Variants in ARID1B observed in about 807,000 individuals in gnomAD.
ARID1B encodes the protein AT-rich interactive domain-containing protein 1B.
In ARID1B, 30 loss-of-function variants were observed where a neutral mutation model predicts 212.3. The observed-to-expected ratio is 0.14, with a 90% confidence interval of 0.11 to 0.19. ARID1B has a LOEUF of 0.19. Among genes scored for constraint, ARID1B ranks in the 10% least tolerant of loss-of-function variants. The pLI is 1.00. For missense variants in ARID1B, 2,891 were observed against 3,204.0 expected (o/e 0.90, Z 2.36); for synonymous variants, 1,402 against 1,301.7 (o/e 1.08, Z -1.66).
chr6:157,199,046 T>A, intron 17 of ARID1B, 139 bp downstream of exon 17: 1 of 697,200 alleles, frequency 1.4e-6, no homozygotes, highest in Non-Finnish European at 2.2e-6. Flanking sequence ...AGGATATAGT[T>A]AATGCTAGAA....
intron 4 of ARID1B, among the ~76,000 whole-genome samples, chr6:156,969,878 C>A (rs1219396180): frequency 1.4e-5 from 2 of 139,258 alleles, no homozygotes; most frequent in Non-Finnish European, 1.5e-5. Context: ...TTGTTTATTT[C>A]TTATTATATA....
chr6:157,174,718 TTA>T (rs1214659659), intron 10 of ARID1B, 127 bp from the exon 11 acceptor site: 6,982 of 239,964 alleles, frequency 0.029, 1 homozygote, highest in East Asian at 0.054. Flanking sequence ...GTACATGTCT[TTA>T]TATATATATA....
In ARID1B at chr6:156,858,825, G is replaced by C. The variant is rs75658989; in HGVS notation, c.1986+29404G>C. ...ACATACCCCATGAATATGTACAACT[G>C]TTACGGATTCATAATAATTAAAAGT... On this transcript the variant is annotated intron_variant, in intron 2 of 19. Coordinates refer to ENST00000636930, the MANE Select transcript of ARID1B (RefSeq NM_001374828.1). Among the ~76,000 whole-genome samples, 1,040 of 152,250 alleles carry C rather than the reference G, an allele frequency of 6.8e-3. 5 individuals carry two copies. Among genetic ancestry groups the C allele is most frequent in the Non-Finnish European group, 0.011 (751 of 68,022 alleles).
At chr6:156,921,191 G>A (rs1790756747) in intron 3 of ARID1B, among the ~76,000 whole-genome samples, 1 of 151,996 alleles carries the variant, frequency 6.6e-6, no homozygotes, top group African/African-American at 2.4e-5. Context: ...AAAGTTGGAG[G>A]TGTTCATTTT....
chr6:157,135,184 A>G (rs1368786217), intron 7 of ARID1B, among the ~76,000 whole-genome samples: 2 of 152,082 alleles, frequency 1.3e-5, no homozygotes, highest in Non-Finnish European at 2.9e-5. Context: ...TTCTTATCCA[A>G]ACTGCTGTGT....
chr6:157,134,555 T>C (rs1268673308), intron 7 of ARID1B, among the ~76,000 whole-genome samples: 1 of 152,204 alleles, frequency 6.6e-6, no homozygotes, highest in Non-Finnish European at 1.5e-5. Flanking sequence ...GTTTTCCATG[T>C]TAGTAATTCC....
chr6:156,951,454 T>C (rs1324993537), intron 4 of ARID1B, among the ~76,000 whole-genome samples: 1 of 152,124 alleles, frequency 6.6e-6, no homozygotes, highest in Non-Finnish European at 1.5e-5. Context: ...TCTTTTTCTT[T>C]TTTTTTTGAA....
chr6:156,778,219 C>T lies in ARID1B; in HGVS notation c.539C>T (p.Ala180Val). The T allele has an allele frequency of 1.3e-6, 2 of 1,538,898 alleles. No homozygotes were observed. Among genetic ancestry groups the T allele is most frequent in the Non-Finnish European group, 1.7e-6 (2 of 1,145,534 alleles). Residue 180 changes from alanine to valine, a missense_variant, in exon 1 of 20, where the codon GCC becomes GTC. Transcript: ENST00000636930. ...HHHAHHHHHH[A>V]HHLHHHHALQ... ...CATGCCCACCACCACCACCACCATG[C>T]CCACCACCTCCACCACCACCACGCA...
chr6:157,022,953 C>CTTTT (rs1554284488), intron 4 of ARID1B: 1 of 151,504 alleles, frequency 6.6e-6, no homozygotes, highest in East Asian at 1.9e-4. Flanking sequence ...TAACATTCTT[C>CTTTT]TGTTTTTATG....
intron 1 of ARID1B, among the ~76,000 whole-genome samples, chr6:156,801,035 TAGAA>T (rs960246074): frequency 2.7e-4 from 41 of 152,320 alleles, no homozygotes; most frequent in African/African-American, 9.6e-4. Flanking sequence ...CTCATCACTG[TAGAA>T]AGCTCTCTGG....
At chr6:156,838,444 A>G (rs982416756) in intron 2 of ARID1B, among the ~76,000 whole-genome samples, 5 of 152,140 alleles carry the variant, frequency 3.3e-5, no homozygotes, top group Admixed American at 1.3e-4. Flanking sequence ...TCAGTCTGAG[A>G]TGCACCACAG....
intron 4 of ARID1B, among the ~76,000 whole-genome samples, chr6:156,995,894 G>A (rs1201452347): frequency 6.6e-6 from 1 of 152,172 alleles, no homozygotes; most frequent in Non-Finnish European, 1.5e-5. Context: ...TATTACATAG[G>A]ACATGTTACT....
intron 2 of ARID1B, among the ~76,000 whole-genome samples, chr6:156,862,708 C>T (rs576514581): frequency 2.0e-5 from 3 of 152,214 alleles, no homozygotes; most frequent in South Asian, 4.1e-4. Context: ...TAGATGTGGA[C>T]GGCTCTTTGG....
intron 5 of ARID1B, among the ~76,000 whole-genome samples, chr6:157,105,341 C>T (rs561694634): frequency 2.2e-4 from 33 of 151,906 alleles, no homozygotes; most frequent in Admixed American, 7.2e-4. Flanking sequence ...AAAAAATTTC[C>T]GCTACAAAAG....
chr6:157,207,935 C>A lies in ARID1B; in HGVS notation c.*44C>A. On this transcript the variant is annotated 3_prime_UTR_variant, in exon 20 of 20. Transcript: ENST00000636930. The surrounding 1 kb of genome is among the most constrained non-coding windows in gnomAD (Gnocchi z 8.5). ...CATGTGTGAGTGAAGATTAGAGGGTCACATATAACTGGCTGTTTTCTGTTC... is the reference window on the plus strand; with the variant it reads ...CATGTGTGAGTGAAGATTAGAGGGTAACATATAACTGGCTGTTTTCTGTTC... The A allele has an allele frequency of 1.4e-6, 2 of 1,436,064 alleles. No individual in the cohort carries two copies. The highest frequency in any genetic ancestry group is 1.9e-5 in the South Asian group (1 of 53,038). 89.0% of individuals were successfully genotyped at this position (1,436,064 alleles called of 1,614,324 possible).
At chr6:156,834,529 A>G (rs558924651) in intron 2 of ARID1B, among the ~76,000 whole-genome samples, 1 of 152,374 alleles carries the variant, frequency 6.6e-6, no homozygotes, top group East Asian at 1.9e-4. Flanking sequence ...GTGTATATGT[A>G]TATTAATTTA....
intron 1 of ARID1B, among the ~76,000 whole-genome samples, chr6:156,802,924 T>A (rs1398634938): frequency 2.6e-5 from 4 of 152,228 alleles, no homozygotes; most frequent in African/African-American, 9.7e-5. Flanking sequence ...AGTTTTATTA[T>A]AACTACAAAT....
chr6:157,043,902 G>A (rs1160805156), intron 4 of ARID1B, among the ~76,000 whole-genome samples: 2 of 152,202 alleles, frequency 1.3e-5, no homozygotes, highest in East Asian at 3.8e-4. Context: ...TTCTGCAGTT[G>A]TATTCATTCA....
intron 1 of ARID1B, among the ~76,000 whole-genome samples, chr6:156,804,975 G>A (rs900882620): frequency 6.6e-6 from 1 of 151,846 alleles, no homozygotes; most frequent in Non-Finnish European, 1.5e-5. Flanking sequence ...ATTACTAATG[G>A]CCAGTACTTA....
Sources: gnomAD v4.1 joint callset for allele counts (sites outside exome capture counted in the v4.1 genomes callset) on GRCh38, gnomAD v4.1.1 for gene constraint, Gnocchi (gnomAD v3.1) non-coding constraint, MANE v1.5 for transcripts, NCBI Gene and HGNC (gene_info 2026-07-23, HGNC 2026-07-21) for gene names.